The following WDR41 variants were observed in gnomAD, a reference collection of about 807,000 sequenced individuals.
The protein encoded by WDR41 is WD repeat domain 41.
WDR41 carries 63 observed loss-of-function variants against 69.3 expected under a neutral mutation model. That is an observed-to-expected ratio of 0.91 (90% CI 0.74 to 1.12). The LOEUF (loss-of-function observed/expected upper bound fraction) is 1.12. Among genes scored for constraint, WDR41 ranks in the 50% most tolerant of loss-of-function variants. The pLI is 0.00. For missense variants in WDR41, 543 were observed against 534.5 expected (o/e 1.02, Z -0.16); for synonymous variants, 185 against 192.1 (o/e 0.96, Z 0.31).
At chr5:77,540,723 TAGGGAGGGAGGG>T (rs137909780) in intron 1 of WDR41, among the ~76,000 whole-genome samples, 1 of 78,374 alleles carries the variant, frequency 1.3e-5, no homozygotes, top group East Asian at 4.6e-4. Flanking sequence ...GAAAAGAATG[TAGGGAGGGAGGG>T]AGGGAGGGAG....
chr5:77,484,517 T>C (rs371787026), intron 2 of WDR41, among the ~76,000 whole-genome samples: 1 of 152,188 alleles, frequency 6.6e-6, no homozygotes, highest in Non-Finnish European at 1.5e-5. Context: ...ATGCCAGATA[T>C]GGAGTCTGTT....
At chr5:77,474,813 C>T (rs1800821666) in intron 2 of WDR41, among the ~76,000 whole-genome samples, 1 of 152,122 alleles carries the variant, frequency 6.6e-6, no homozygotes, top group African/African-American at 2.4e-5. Flanking sequence ...GGAGGAGGAG[C>T]CAAGATGGCC....
intron 1 of WDR41, among the ~76,000 whole-genome samples, chr5:77,531,217 CA>C (rs1471856179): frequency 4.0e-5 from 6 of 151,726 alleles, no homozygotes; most frequent in African/African-American, 1.2e-4. Context: ...AGTAAAAAGA[CA>C]ACATACAGAA....
At chr5:77,576,701 T>C (rs1385629290) in intron 1 of WDR41, among the ~76,000 whole-genome samples, 5 of 152,092 alleles carry the variant, frequency 3.3e-5, no homozygotes, top group African/African-American at 9.7e-5. Flanking sequence ...TTTCACACTC[T>C]TTCTGGGCAG....
chr5:77,528,730 A>C (rs556044283), intron 1 of WDR41, among the ~76,000 whole-genome samples: 8 of 151,678 alleles, frequency 5.3e-5, no homozygotes, highest in African/African-American at 1.9e-4. Context: ...GTACTAACAC[A>C]CTAAAACCAA....
At chr5:77,520,700 T>A (rs1802358241) in intron 1 of WDR41, among the ~76,000 whole-genome samples, 1 of 152,298 alleles carries the variant, frequency 6.6e-6, no homozygotes, top group Middle Eastern at 3.4e-3. Context: ...AAGCTGAAGG[T>A]CACTTTGCCC....
At chr5:77,582,243 TG>T in intron 1 of WDR41, 1 of 781,390 alleles carries the variant, frequency 1.3e-6, no homozygotes, top group Non-Finnish European at 2.1e-6. Flanking sequence ...TTAGATGAAA[TG>T]GACAAAATTC....
chr5:77,571,733 A>T (rs1232543313), intron 1 of WDR41, among the ~76,000 whole-genome samples: 2 of 152,138 alleles, frequency 1.3e-5, no homozygotes, highest in Non-Finnish European at 2.9e-5. Flanking sequence ...ATTGGAGCAG[A>T]TGTTGCTGCT....
chr5:77,473,845 T>C (rs1231693079), intron 2 of WDR41, among the ~76,000 whole-genome samples: 1 of 151,910 alleles, frequency 6.6e-6, no homozygotes, highest in Admixed American at 6.6e-5. Flanking sequence ...ACACTGTTGG[T>C]GGGACTTCAA....
chr5:77,619,473 A>G (rs767589937), intron 1 of WDR41, among the ~76,000 whole-genome samples: 11 of 151,702 alleles, frequency 7.3e-5, no homozygotes, highest in Admixed American at 3.9e-4. Flanking sequence ...AGACCCCCCA[A>G]TTTTCCCTCT....
rs533249713 is a variant in WDR41, at chr5:77,527,217, T to TA, written c.43-37646dup. 2.6e-5 allele frequency among the ~76,000 whole-genome samples: 4 copies of TA among 151,762 alleles called. 1 individual carries two copies. The highest frequency in any genetic ancestry group is 4.4e-5 in the Non-Finnish European group (3 of 67,822). ...AACATAGACTGTCAGGCCAGATTTT[T>TA]AAAAAAAATCTAATTCTGTATTGTT... On this transcript the variant is annotated intron_variant, in intron 1 of 5. Transcript: ENST00000509971.
intron 1 of WDR41, 130 bp from the exon 2 acceptor site, chr5:77,489,702 T>G: frequency 8.8e-6 from 4 of 456,252 alleles, no homozygotes; most frequent in Non-Finnish European, 1.5e-5. Flanking sequence ...AGCCTTAAGG[T>G]ATCATGTTCT....
chr5:77,559,646 T>G (rs1743486175), intron 1 of WDR41, among the ~76,000 whole-genome samples: 1 of 151,170 alleles, frequency 6.6e-6, no homozygotes, highest in Non-Finnish European at 1.5e-5. Flanking sequence ...ATATATATTT[T>G]CATTATATCT....
chr5:77,545,713 C>A, intron 1 of WDR41: 1 of 514,190 alleles, frequency 1.9e-6, no homozygotes, highest in South Asian at 3.0e-5. Context: ...AGTGCAGAAG[C>A]AGACCCACGC....
At chr5:77,512,351 A>AGAGAGAGAGAGAGAGAGAGAGTGT (rs1561211233) in intron 1 of WDR41, among the ~76,000 whole-genome samples, 2 of 120,242 alleles carry the variant, frequency 1.7e-5, no homozygotes, top group Non-Finnish European at 3.4e-5. Flanking sequence ...AGAGAGAGAG[A>AGAGAGAGAGAGAGAGAGAGAGTGT]GTGAGTGTGT....
At position 77,449,774 on chromosome 5, in the gene WDR41, A is replaced by C; in HGVS notation, c.683T>G (p.Leu228Trp). 2 of 1,609,146 alleles carry C rather than the reference A, an allele frequency of 1.2e-6. No homozygotes were observed. Among genetic ancestry groups the C allele is most frequent in the Non-Finnish European group, 8.5e-7 (1 of 1,175,636 alleles). The change falls in exon 8 of 13, where the codon TTG (leucine) becomes TGG (tryptophan). Residue 228 changes from leucine (L) to tryptophan (W), a missense_variant. Coordinates refer to ENST00000296679, the MANE Select transcript of WDR41 (RefSeq NM_018268.4). ...AATGAGCTTACCATTGACATTAATC[A>C]ATGAGAGAATATTATCCTGGTGATC... ...LLDHQDNILS[L>W]INVNDLSFVT...
chr5:77,486,035 T>C (rs139517334), intron 2 of WDR41, among the ~76,000 whole-genome samples: 1 of 152,332 alleles, frequency 6.6e-6, no homozygotes. Flanking sequence ...AAGGTATTTC[T>C]CTAATTTGAC....
rs536932085 is a variant in WDR41 at position 77,500,662 on chromosome 5, T to C, written c.43-11090A>G. Among the ~76,000 whole-genome samples, 5 of 152,228 alleles carry C rather than the reference T, an allele frequency of 3.3e-5. 1 individual carries two copies. The highest frequency in any genetic ancestry group is 7.2e-5 in the African/African-American group (3 of 41,550). On this transcript the variant is annotated intron_variant, in intron 1 of 5. Transcript: ENST00000509971. ...GGTAACCTAAGTAGTCCCATAACCA[T>C]TTACAAAATTGAATTCATAGTTTAA... is the stretch of plus-strand genomic sequence containing the variant.
chr5:77,519,395 T>A (rs962504396), intron 1 of WDR41, among the ~76,000 whole-genome samples: 1 of 151,906 alleles, frequency 6.6e-6, no homozygotes, highest in Non-Finnish European at 1.5e-5. Flanking sequence ...ATTTACTAAA[T>A]AATCAACATG....
Sources: allele counts gnomAD v4.1 joint callset (sites outside exome capture counted in the v4.1 genomes callset), GRCh38; gene constraint gnomAD v4.1.1; transcripts MANE v1.5; gene names NCBI Gene and HGNC (gene_info 2026-07-23, HGNC 2026-07-21).